The following TRIM21 variants were observed in gnomAD, a reference collection of about 807,000 sequenced individuals.
TRIM21 encodes the protein tripartite motif containing 21.
TRIM21 carries 35 observed loss-of-function variants against 36.1 expected under a neutral mutation model. That is an observed-to-expected ratio of 0.97 (90% CI 0.74 to 1.28). TRIM21 has a LOEUF of 1.28. Among genes scored for constraint, TRIM21 ranks in the 50% most tolerant of loss-of-function variants. The probability of loss-of-function intolerance (pLI) is 0.00; values close to 1 mark genes in which losing one functional copy is unlikely to be tolerated. For synonymous variants in TRIM21, 256 were observed against 211.5 expected (o/e 1.21, Z -1.83); for missense variants, 635 against 570.7 (o/e 1.11, Z -1.15).
Position 4,384,961 on chromosome 11 carries a change from T to C in TRIM21, c.*324A>G, listed in dbSNP as rs1304767084. 2.1e-5 allele frequency: 6 copies of C among 291,720 alleles called. No homozygotes were observed. Among genetic ancestry groups the C allele is most frequent in the Admixed American group, 4.6e-5 (1 of 21,616 alleles). 18.1% of individuals were successfully genotyped at this position (291,720 alleles called of 1,614,324 possible). On this transcript the variant is annotated 3_prime_UTR_variant, in exon 7 of 7. Transcript: ENST00000254436. ...CTTTTGCAAACCATACAAGATATAATAGAGATCTCACCAAAGACGACATCC... is the reference window on the plus strand; with the variant it reads ...CTTTTGCAAACCATACAAGATATAACAGAGATCTCACCAAAGACGACATCC...
rs751244449 is a variant in TRIM21, at chr11:4,390,322, C to G, written c.88G>C (p.Glu30Gln). 2.5e-6 allele frequency: 4 copies of G among 1,613,902 alleles called. No homozygotes were observed. Among genetic ancestry groups the G allele is most frequent in the Non-Finnish European group, 3.4e-6 (4 of 1,179,884 alleles). The change falls in exon 2 of 7, where the codon GAG (glutamate) becomes CAG (glutamine). Residue 30 changes from glutamate to glutamine, a missense_variant. Coordinates refer to ENST00000254436, the MANE Select transcript of TRIM21 (RefSeq NM_003141.4). The stretch of plus-strand genomic sequence containing the variant: ...TCCTGGCAGAAGCTGTGGCCACACT[C>G]GATGCTCACAGGCTCCACGAAGGGG... ...LDPFVEPVSI[E>Q]CGHSFCQECI...
Position 4,385,861 on chromosome 11 carries a change from G to C in TRIM21, c.860-8C>G. 1.3e-6 allele frequency: 2 copies of C among 1,599,312 alleles called. No individual in the cohort carries two copies. Among genetic ancestry groups the C allele is most frequent in the Non-Finnish European group, 1.7e-6 (2 of 1,172,138 alleles). On this transcript the variant is annotated splice_polypyrimidine_tract_variant and splice_region_variant and intron_variant, in intron 6 of 6. Transcript: ENST00000254436. ...GATCCAGAGTGATGTGGACTGCAGAGAGAGGACCACAGTCAGGCCTTGCAT... is the reference window on the plus strand; with the variant it reads ...GATCCAGAGTGATGTGGACTGCAGACAGAGGACCACAGTCAGGCCTTGCAT...
chr11:4,391,741 G>A (rs1040099928), intron 1 of TRIM21, among the ~76,000 whole-genome samples: 1 of 152,178 alleles, frequency 6.6e-6, no homozygotes, highest in African/African-American at 2.4e-5. Flanking sequence ...GTACTGTTCA[G>A]TCATAAAATA....
At chr11:4,386,827 T>C in intron 5 of TRIM21, 141 bp downstream of exon 5, 1 of 833,326 alleles carries the variant, frequency 1.2e-6, no homozygotes, top group South Asian at 1.8e-5. Flanking sequence ...CCAGAAAATA[T>C]TTTATAGAGA....
In TRIM21 at chr11:4,386,986, ACCT is replaced by A; in HGVS notation, c.737_739del (p.Glu246del). The A allele has an allele frequency of 6.3e-7, 1 of 1,579,838 alleles. No individual in the cohort carries two copies. The highest frequency in any genetic ancestry group is 8.6e-7 in the Non-Finnish European group (1 of 1,161,508). On this transcript the variant is annotated inframe_deletion and splice_region_variant, in exon 5 of 7. Transcript: ENST00000254436. ...TCCTTACCTTTCCAGGACAATTATC[ACCT>A]CCTGAGGAGAAAAGAGACAGAAAGT...
rs773061696 is a variant in TRIM21, at chr11:4,385,478, T to A, written c.1235A>T (p.Asp412Val). The A allele has an allele frequency of 6.2e-7, 1 of 1,612,138 alleles. No homozygotes were observed. Among genetic ancestry groups the A allele is most frequent in the Non-Finnish European group, 8.5e-7 (1 of 1,179,072 alleles). The change falls in exon 7 of 7, where the codon GAC becomes GTC. Residue 412 changes from aspartate to valine, a missense_variant. Coordinates refer to ENST00000254436, the MANE Select transcript of TRIM21 (RefSeq NM_003141.4). ...VPPCQVGIFL[D>V]YEAGMVSFYN... is the part of the protein sequence containing the mutation. ...GAAGGAGACCATGCCAGCCTCATAGTCCAGGAAAATCCCAACTTGGCATGG... is the reference window on the plus strand; with the variant it reads ...GAAGGAGACCATGCCAGCCTCATAGACCAGGAAAATCCCAACTTGGCATGG...
intron 4 of TRIM21, 98 bp downstream of exon 4, chr11:4,388,201 AG>A: frequency 9.6e-7 from 1 of 1,037,530 alleles, no homozygotes; most frequent in Non-Finnish European, 1.4e-6. Flanking sequence ...AGAACATTCC[AG>A]GGACCAGGTG....
At position 4,389,763 on chromosome 11, in the gene TRIM21, C is replaced by G. The variant is rs1290154122; in HGVS notation, c.409-14G>C. On this transcript the variant is annotated splice_polypyrimidine_tract_variant and intron_variant, in intron 2 of 6. Coordinates refer to ENST00000254436, the MANE Select transcript of TRIM21 (RefSeq NM_003141.4). ...CTGGAGCTTCTCCTGCAGAGAAAGA[C>G]AGCTTATTCGTCCCCCATGCAAACC... 8.1e-6 allele frequency: 13 copies of G among 1,612,532 alleles called. No homozygotes were observed. In the South Asian group the frequency reaches 1.2e-4, roughly 15 times the overall value.
chr11:4,391,904 TAGAA>T (rs1353522104), intron 1 of TRIM21, among the ~76,000 whole-genome samples: 1 of 152,110 alleles, frequency 6.6e-6, no homozygotes, highest in Admixed American at 6.5e-5. Flanking sequence ...AGTTAGATAA[TAGAA>T]AGATGGTTAC....
intron 5 of TRIM21, 23 bp downstream of exon 5, chr11:4,386,945 T>C (rs1490211132): frequency 1.3e-6 from 2 of 1,578,902 alleles, no homozygotes; most frequent in Admixed American, 3.6e-5. Flanking sequence ...GCCCCTCTTC[T>C]AACAAAGAAA....
At chr11:4,389,473 C>A (rs1365145373) in intron 3 of TRIM21, among the ~76,000 whole-genome samples, 181 bp downstream of exon 3, 1 of 152,178 alleles carries the variant, frequency 6.6e-6, no homozygotes, top group Non-Finnish European at 1.5e-5. Flanking sequence ...CCCCTTTGAA[C>A]CTGCATCATT....
At position 4,385,296 on chromosome 11, in the gene TRIM21, T is replaced by C; in HGVS notation, c.1417A>G (p.Thr473Ala). The change falls in exon 7 of 7, where the codon ACT becomes GCT. Residue 473 changes from threonine to alanine, a missense_variant. Physicochemically the swap from Thr to Ala is moderately conservative, Grantham distance 58. Transcript: ENST00000254436. ...TCCAGAGAAAGCCATCAATAGTCAGTGGATCCTTGTGATCCAATATTCAGT... is the reference window on the plus strand; with the variant it reads ...TCCAGAGAAAGCCATCAATAGTCAGCGGATCCTTGTGATCCAATATTCAGT... ...CPLNIGSQGS[T>A]DY The C allele has an allele frequency of 6.2e-7, 1 of 1,611,278 alleles. No homozygotes were observed. The highest frequency in any genetic ancestry group is 8.5e-7 in the Non-Finnish European group (1 of 1,179,040).
At chr11:4,393,228 G>A (rs2094965149) in intron 1 of TRIM21, among the ~76,000 whole-genome samples, 1 of 152,122 alleles carries the variant, frequency 6.6e-6, no homozygotes, top group Admixed American at 6.5e-5. Context: ...AGACCTCCCC[G>A]ACACTGGGCT....
rs769850075 is a variant in TRIM21, at chr11:4,388,330, C to T, written c.705G>A (p.Arg235=). The change falls in exon 4 of 7, where the codon AGG becomes AGA. Residue 235 remains arginine, a synonymous_variant. Coordinates refer to ENST00000254436, the MANE Select transcript of TRIM21 (RefSeq NM_003141.4). ...GCAGTTCCAGTGCTGAGCTGTGGCA[C>T]CTTCGATCTAGCTCTGAGATGAGCT... is the stretch of plus-strand genomic sequence containing the variant. ...LQELISELDR[R]CHSSALELLQ... 2 of 1,613,900 alleles carry T rather than the reference C, an allele frequency of 1.2e-6. No homozygotes were observed. The highest frequency in any genetic ancestry group is 4.5e-5 in the East Asian group (2 of 44,872).
chr11:4,385,893 A>G, intron 6 of TRIM21, 40 bp from the exon 7 acceptor site: 1 of 1,542,238 alleles, frequency 6.5e-7, no homozygotes, highest in Non-Finnish European at 8.8e-7. Context: ...GCATGGGGGG[A>G]GTTCACTAAG....
chr11:4,386,968 C>T lies in TRIM21; in HGVS notation c.758G>A (p.Arg253Lys). ...TCTAACAAAGAAAACTCCTCCTTAC[C>T]TTTCCAGGACAATTATCACCTCCTG... ...LLQEVIIVLE[R>K]SESWNLKDLD... Residue 253 changes from arginine to lysine, a missense_variant and splice_region_variant, in exon 5 of 7, where the codon AGG becomes AAG. Arg to Lys is a conservative substitution (Grantham distance 26, BLOSUM62 2). Coordinates refer to ENST00000254436, the MANE Select transcript of TRIM21 (RefSeq NM_003141.4). The T allele has an allele frequency of 6.3e-7, 1 of 1,583,514 alleles. No homozygotes were observed.
At chr11:4,392,963 T>G (rs1006739300) in intron 1 of TRIM21, among the ~76,000 whole-genome samples, 2 of 152,136 alleles carry the variant, frequency 1.3e-5, no homozygotes, top group Admixed American at 6.5e-5. Context: ...CATTAATCCC[T>G]CCTATAACGG....
chr11:4,390,170 G>C lies in TRIM21; in HGVS notation c.240C>G (p.Ser80Arg). The C allele has an allele frequency of 4.3e-6, 7 of 1,614,010 alleles. No individual in the cohort carries two copies. The highest frequency in any genetic ancestry group is 5.9e-6 in the Non-Finnish European group (7 of 1,179,902). ...ANMVNNLKEI[S>R]QEAREGTQGE... ...CCTGTGTGCCCTCTCTGGCCTCCTG[G>C]CTGATTTCTTTAAGGTTGTTCACCA... The change falls in exon 2 of 7, where the codon AGC becomes AGG. Residue 80 changes from serine (S) to arginine (R), a missense_variant. Transcript: ENST00000254436.
chr11:4,389,938 G>A, intron 2 of TRIM21, 64 bp downstream of exon 2: 1 of 1,579,708 alleles, frequency 6.3e-7, no homozygotes, highest in Non-Finnish European at 8.6e-7. Flanking sequence ...CCAATCCAGA[G>A]GTGGTCCTCT....
Sources: allele counts gnomAD v4.1 joint callset (sites outside exome capture counted in the v4.1 genomes callset), GRCh38; gene constraint gnomAD v4.1.1; transcripts MANE v1.5; gene names NCBI Gene and HGNC (gene_info 2026-07-23, HGNC 2026-07-21).